LTBP3: variants seen among roughly 807,000 people sequenced by gnomAD.
The protein encoded by LTBP3 is latent-transforming growth factor beta-binding protein 3.
Under a neutral mutation model 159.7 loss-of-function variants are expected in LTBP3, and 97 were observed. The observed-to-expected ratio is 0.61, with a 90% CI of 0.52 to 0.72. The LOEUF is 0.72. Ranked by LOEUF, LTBP3 falls within the 30% of genes least tolerant of loss-of-function variation. The pLI is 0.00. For missense variants in LTBP3, 1,584 were observed against 1,864.3 expected (o/e 0.85, Z 2.77); for synonymous variants, 824 against 777.1 (o/e 1.06, Z -1.00).
Position 65,543,108 on chromosome 11 carries a change from G to A in LTBP3, c.2593C>T (p.Gln865Ter), listed in dbSNP as rs2135130660. 6.2e-7 allele frequency: 1 copy of A among 1,613,988 alleles called. No homozygotes were observed. Among genetic ancestry groups the A allele is most frequent in the Non-Finnish European group, 8.5e-7 (1 of 1,179,978 alleles). The change falls in exon 18 of 28, where the codon CAA (glutamine) becomes TAA (stop). Residue 865 changes from glutamine to a stop codon, truncating the protein, a stop_gained. Coordinates refer to ENST00000301873, the MANE Select transcript of LTBP3 (RefSeq NM_001130144.3). LOFTEE classifies it high-confidence loss of function. ...GHRLVGGRKC[Q>*]DIDECSQDPS... ...ACCCTCAGCCAGTCCCCCATACCTT[G>A]GCATTTCCTGCCACCCACCAGCCGA...
At chr11:65,541,059 A>G in intron 20 of LTBP3, 67 bp downstream of exon 20, 1 of 1,587,074 alleles carries the variant, frequency 6.3e-7, no homozygotes, top group Non-Finnish European at 8.6e-7. Flanking sequence ...AGGGGGCGCC[A>G]TTTCCCACAT....
At chr11:65,549,144 C>A (rs1856499296) in intron 11 of LTBP3, among the ~76,000 whole-genome samples, 1 of 152,208 alleles carries the variant, frequency 6.6e-6, no homozygotes, top group Non-Finnish European at 1.5e-5. Context: ...CAGTACCTGG[C>A]ACAGAGGGAC....
chr11:65,543,044 T>A (rs1366191318), intron 18 of LTBP3, 61 bp downstream of exon 18: 3 of 1,606,966 alleles, frequency 1.9e-6, no homozygotes, highest in Non-Finnish European at 2.5e-6. Flanking sequence ...GGCCACAGTG[T>A]GTCTAGGGAA....
chr11:65,557,724 T>C lies in LTBP3; in HGVS notation c.236A>G (p.Gln79Arg). Residue 79 changes from glutamine to arginine, a missense_variant, in exon 1 of 28, where the codon CAG becomes CGG. Physicochemically the swap from Gln to Arg is conservative, Grantham distance 43 (BLOSUM62 1). This residue lies in a region of LTBP3 where 76 missense variants were observed against 133.3 expected (regional missense o/e 0.57). Coordinates refer to ENST00000301873, the MANE Select transcript of LTBP3 (RefSeq NM_001130144.3). ...VICKRTCLKG[Q>R]CRDSCQQGSN... is the part of the protein sequence containing the mutation. ...GCCCTGCTGACAACTGTCCCGACAC[T>C]GGCCCTTGAGACAGGTCCGCTTGCA... 4 of 1,608,942 alleles carry C rather than the reference T, an allele frequency of 2.5e-6. No homozygotes were observed. The highest frequency in any genetic ancestry group is 3.4e-6 in the Non-Finnish European group (4 of 1,179,864).
In LTBP3 at chr11:65,552,047, C is replaced by G. The variant is rs148883568; in HGVS notation, c.1456G>C (p.Gly486Arg). 5.8e-5 allele frequency: 94 copies of G among 1,613,834 alleles called. No individual in the cohort carries two copies. The highest frequency in any genetic ancestry group is 7.0e-5 in the Non-Finnish European group (83 of 1,179,988). Residue 486 changes from glycine to arginine, a missense_variant, in exon 8 of 28, where the codon GGG (glycine) becomes CGG (arginine). Physicochemically the swap from Gly to Arg is moderately radical, Grantham distance 125. Around this residue, in one of 6 missense-constraint regions of LTBP3, gnomAD observed 565 missense variants for 677.7 expected, o/e 0.83. Coordinates refer to ENST00000301873, the MANE Select transcript of LTBP3 (RefSeq NM_001130144.3). This position sits in a 1 kb window ranked among gnomAD's most constrained non-coding sequence, Gnocchi z 6.0. The stretch of plus-strand genomic sequence containing the variant: ...GGAAGCTGCTGGGGCTTGGGTGGCC[C>G]GTCAGGGTGCAGGAAAAGGGAAAAG... Reference protein sequence around the residue: ...SDFSLFLHPDGPPKPQQLPES... With the variant: ...SDFSLFLHPDRPPKPQQLPES...
intron 8 of LTBP3, 120 bp from the exon 9 acceptor site, chr11:65,551,684 G>C: frequency 7.7e-7 from 1 of 1,294,842 alleles, no homozygotes; most frequent in Non-Finnish European, 1.1e-6. Flanking sequence ...ATGTCTCCAG[G>C]TCAAGGGTCA....
In LTBP3 at chr11:65,541,235, G is replaced by A. The variant is rs1856123151; in HGVS notation, c.2784C>T (p.Phe928=). 6.2e-7 allele frequency: 1 copy of A among 1,613,770 alleles called. No homozygotes were observed. The highest frequency in any genetic ancestry group is 2.2e-5 in the East Asian group (1 of 44,882). The part of the protein sequence containing the change: ...ECYLNFDDTV[F]CDSVLATNVT... Reference sequence around the variant, plus strand: ...CGTTGGTGGCCAATACGCTGTCGCAGAACACTGTGTCATCGAAGTTCAGGT... The same window carrying A: ...CGTTGGTGGCCAATACGCTGTCGCAAAACACTGTGTCATCGAAGTTCAGGT... Residue 928 remains phenylalanine, a synonymous_variant, in exon 20 of 28, where the codon TTC becomes TTT. Transcript: ENST00000301873.
intron 17 of LTBP3, 45 bp from the exon 18 acceptor site, chr11:65,543,269 A>G: frequency 6.2e-7 from 1 of 1,613,514 alleles, no homozygotes; most frequent in Non-Finnish European, 8.5e-7. Flanking sequence ...GCTGATCACC[A>G]ACCCCAGCCT....
In LTBP3 at chr11:65,557,893, G is replaced by C; in HGVS notation, c.67C>G (p.Leu23Val). 1 of 1,257,204 alleles carries C rather than the reference G, an allele frequency of 8.0e-7. No individual in the cohort carries two copies. The highest frequency in any genetic ancestry group is 1.0e-6 in the Non-Finnish European group (1 of 985,634). 77.9% of individuals were successfully genotyped at this position (1,257,204 alleles called of 1,614,324 possible). A position where few individuals can be genotyped will look rare whatever the true frequency, so the allele number is the denominator to read the frequency against. Residue 23 changes from leucine (L) to valine (V), a missense_variant, in exon 1 of 28, where the codon CTG becomes GTG. Coordinates refer to ENST00000301873, the MANE Select transcript of LTBP3 (RefSeq NM_001130144.3). ...AGCAGCAGCAGCAGCAGCGCCAGCA[G>C]CCCCGCCGCCCCCGCCCCGCGCATC... ...PEMRGAGAAGLLALLLLLLLL... is the reference protein window; with the variant it reads ...PEMRGAGAAGVLALLLLLLLL...
At position 65,547,887 on chromosome 11, in the gene LTBP3, C is replaced by A; in HGVS notation, c.1846+33G>T. 1.2e-6 allele frequency: 2 copies of A among 1,613,408 alleles called. No individual in the cohort carries two copies. The highest frequency in any genetic ancestry group is 1.7e-6 in the Non-Finnish European group (2 of 1,179,918). ...TCGTTATCTGGGGTCCCCCCCCACC[C>A]ACCTGCATGCCCGCCGCCTGCCCTG... is the stretch of plus-strand genomic sequence containing the variant. On this transcript the variant is annotated intron_variant, in intron 12 of 27. Transcript: ENST00000301873. The surrounding 1 kb of genome is among the most constrained non-coding windows in gnomAD (Gnocchi z 4.6).
At chr11:65,550,418 A>AAAAAATAAAAAATAAAAAT (rs1382771325) in intron 11 of LTBP3, among the ~76,000 whole-genome samples, 92 of 151,934 alleles carry the variant, frequency 6.1e-4, no homozygotes, top group African/African-American at 2.1e-3. Flanking sequence ...TCTCAATCTC[A>AAAAAATAAAAAATAAAAAT]AAAAATAAAA....
rs773651030 is a variant in LTBP3, at chr11:65,541,258, G to T, written c.2761C>A (p.Leu921Met). The T allele has an allele frequency of 1.2e-6, 2 of 1,613,320 alleles. No homozygotes were observed. The highest frequency in any genetic ancestry group is 1.7e-6 in the Non-Finnish European group (2 of 1,180,008). Residue 921 changes from leucine to methionine, a missense_variant, in exon 20 of 28, where the codon CTG becomes ATG. Leu to Met is a conservative substitution (Grantham distance 15). Coordinates refer to ENST00000301873, the MANE Select transcript of LTBP3 (RefSeq NM_001130144.3). ...EQPHHKKECY[L>M]NFDDTVFCDS... ...CAGAACACTGTGTCATCGAAGTTCAGGTAGCACTCCTTCTTGTGGTGGGGC... is the reference window on the plus strand; with the variant it reads ...CAGAACACTGTGTCATCGAAGTTCATGTAGCACTCCTTCTTGTGGTGGGGC...
chr11:65,553,510 G>A lies in LTBP3; in HGVS notation c.885C>T (p.Pro295=), dbSNP rs575590294. The A allele has an allele frequency of 3.5e-5, 56 of 1,611,346 alleles. No individual in the cohort carries two copies. In the East Asian group the frequency reaches 9.4e-4, roughly 27 times the overall value. Residue 295 remains proline, a synonymous_variant, in exon 4 of 28, where the codon CCC becomes CCT. Coordinates refer to ENST00000301873, the MANE Select transcript of LTBP3 (RefSeq NM_001130144.3). The surrounding 1 kb of genome is among the most constrained non-coding windows in gnomAD (Gnocchi z 6.5). ...PKQPCGSNPL[P]GLTKQEDCCG... ...AGCAGTCTTCCTGCTTGGTGAGGCCGGGGAGGGGGTTGCTGCCACACTAGG... is the reference window on the plus strand; with the variant it reads ...AGCAGTCTTCCTGCTTGGTGAGGCCAGGGAGGGGGTTGCTGCCACACTAGG...
intron 1 of LTBP3, among the ~76,000 whole-genome samples, chr11:65,555,607 G>C (rs1221695415): frequency 6.6e-6 from 1 of 152,182 alleles, no homozygotes; most frequent in Admixed American, 6.5e-5. Context: ...TGGAAGGCAG[G>C]GCCAGGCTGG....
At chr11:65,541,981 C>T (rs537764386) in intron 18 of LTBP3, 1 of 478,614 alleles carries the variant, frequency 2.1e-6, no homozygotes, top group South Asian at 2.0e-5. Flanking sequence ...GGAAAGGCCT[C>T]AAATGCAATT....
At chr11:65,543,914 C>T (rs1590766658) in intron 16 of LTBP3, 1 of 345,470 alleles carries the variant, frequency 2.9e-6, no homozygotes, top group East Asian at 7.3e-5. Flanking sequence ...AGTAAAGGAA[C>T]TTGACCCTCC....
Position 65,546,924 on chromosome 11 carries a change from C to A in LTBP3, c.2108-4G>T, listed in dbSNP as rs1327604884. 1 of 1,611,382 alleles carries A rather than the reference C, an allele frequency of 6.2e-7. No homozygotes were observed. The highest frequency in any genetic ancestry group is 8.5e-7 in the Non-Finnish European group (1 of 1,179,966). On this transcript the variant is annotated splice_polypyrimidine_tract_variant and splice_region_variant and intron_variant, in intron 14 of 27. Coordinates refer to ENST00000301873, the MANE Select transcript of LTBP3 (RefSeq NM_001130144.3). The surrounding 1 kb of genome is among the most constrained non-coding windows in gnomAD (Gnocchi z 4.0). ...GGGTCCCGGCACTCGTCGATGTCTG[C>A]ACGGGAGGGAGAAGGAAGAGGACCC...
intron 21 of LTBP3, 60 bp downstream of exon 21, chr11:65,540,811 C>A (rs1187660067): frequency 1.9e-6 from 3 of 1,545,176 alleles, no homozygotes; most frequent in Middle Eastern, 1.9e-4. Flanking sequence ...CCGGCGGGAT[C>A]CGGGCGAGCC....
At chr11:65,551,930 G>A in intron 8 of LTBP3, 42 bp downstream of exon 8, 2 of 1,600,594 alleles carry the variant, frequency 1.2e-6, no homozygotes, top group South Asian at 1.1e-5. Flanking sequence ...TCAGGCCTAG[G>A]GGCTTGGCAT....
Sources: gnomAD v4.1 joint callset for allele counts (sites outside exome capture counted in the v4.1 genomes callset) on GRCh38, gnomAD v4.1.1 for gene constraint, gnomAD v4.1.1 regional missense constraint, Gnocchi (gnomAD v3.1) non-coding constraint, MANE v1.5 for transcripts, NCBI Gene and HGNC (gene_info 2026-07-23, HGNC 2026-07-21) for gene names.